The following HCRTR1 variants were observed in gnomAD, a reference collection of about 807,000 sequenced individuals.
The protein encoded by HCRTR1 is orexin/Hypocretin receptor type 1.
HCRTR1 carries 28 observed loss-of-function variants against 40.6 expected under a neutral mutation model. The ratio of observed to expected loss-of-function variants is 0.69; its 90% CI spans 0.51 to 0.95. HCRTR1 has a LOEUF of 0.95. Ranked by LOEUF, HCRTR1 falls within the 40% of genes least tolerant of loss-of-function variation. The pLI, the probability that HCRTR1 is intolerant of heterozygous loss-of-function variation, is 0.00. For missense variants in HCRTR1, 482 were observed against 564.7 expected (o/e 0.85, Z 1.48); for synonymous variants, 209 against 230.0 (o/e 0.91, Z 0.83).
chr1:31,629,664 C>A (rs115271200), downstream of HCRTR1, among the ~76,000 whole-genome samples: 613 of 152,312 alleles, frequency 4.0e-3, 3 homozygotes, highest in African/African-American at 0.014. Flanking sequence ...TCAGGCCATA[C>A]TGAACTGAAC....
chr1:31,619,080 T>C lies in HCRTR1; in HGVS notation c.-113T>C. 1.2e-6 allele frequency: 1 copy of C among 800,036 alleles called. No individual in the cohort carries two copies. Among genetic ancestry groups the C allele is most frequent in the Non-Finnish European group, 1.9e-6 (1 of 512,908 alleles). 49.6% of individuals were successfully genotyped at this position (800,036 alleles called of 1,614,324 possible). A position where few individuals can be genotyped will look rare whatever the true frequency, so the allele number is the denominator to read the frequency against. On this transcript the variant is annotated 5_prime_UTR_variant, in exon 3 of 9. Coordinates refer to ENST00000403528, the MANE Select transcript of HCRTR1 (RefSeq NM_001525.3). ...TTTGAGGCTGAGACCCGAAAAGACC[T>C]GGGTGCAAGCCTCCAGGCACCCTGA... is the stretch of plus-strand genomic sequence containing the variant.
chr1:31,624,888 G>A (rs1406420412), intron 7 of HCRTR1, 109 bp from the exon 8 acceptor site: 2 of 1,202,400 alleles, frequency 1.7e-6, no homozygotes, highest in African/African-American at 3.1e-5. Context: ...GGACAGAAGT[G>A]GGCAGTAGGA....
At position 31,621,540 on chromosome 1, in the gene HCRTR1, G is replaced by C. The variant is rs370407845; in HGVS notation, c.686G>C (p.Gly229Ala). The change falls in exon 6 of 9, where the codon GGC becomes GCC. Residue 229 changes from glycine (G) to alanine (A), a missense_variant. By Grantham distance (60) the Gly-to-Ala change is moderately conservative. Coordinates refer to ENST00000403528, the MANE Select transcript of HCRTR1 (RefSeq NM_001525.3). ...FFIVTYLAPL[G>A]LMAMAYFQIF... ...ATTGTCACCTACCTGGCCCCACTGG[G>C]CCTCATGGCCATGGCCTATTTCCAG... 1.1e-5 allele frequency: 17 copies of C among 1,613,980 alleles called. No individual in the cohort carries two copies. The highest frequency in any genetic ancestry group is 1.1e-5 in the Non-Finnish European group (13 of 1,180,038).
Position 31,621,002 on chromosome 1 carries a change from G to A in HCRTR1, c.538G>A (p.Ala180Thr), listed in dbSNP as rs919621513. The stretch of plus-strand genomic sequence containing the variant: ...GTCGCTGGCCATCATGGTGCCCCAG[G>A]CTGCAGTCATGGAATGCAGCAGTGT... ...AVSLAIMVPQ[A>T]AVMECSSVLP... Residue 180 changes from alanine (A) to threonine (T), a missense_variant, in exon 5 of 9, where the codon GCT (alanine) becomes ACT (threonine). By Grantham distance (58) the Ala-to-Thr change is moderately conservative. Coordinates refer to ENST00000403528, the MANE Select transcript of HCRTR1 (RefSeq NM_001525.3). 8.1e-6 allele frequency: 13 copies of A among 1,613,760 alleles called. No individual in the cohort carries two copies. Among genetic ancestry groups the A allele is most frequent in the African/African-American group, 1.3e-5 (1 of 74,928 alleles).
Position 31,626,509 on chromosome 1 carries a change from C to T in HCRTR1, c.1088-281C>T, listed in dbSNP as rs951070072. ...GAGAGCAGAGGTGACCTGAGGCCCC[C>T]GAGCCAGACACCACGTTTTGAGTCA... On this transcript the variant is annotated intron_variant, in intron 8 of 8. Transcript: ENST00000403528. The surrounding 1 kb of genome is among the most constrained non-coding windows in gnomAD (Gnocchi z 4.6). Among the ~76,000 whole-genome samples, 23 of 152,282 alleles carry T rather than the reference C, an allele frequency of 1.5e-4. No individual in the cohort carries two copies. Among genetic ancestry groups the T allele is most frequent in the African/African-American group, 5.5e-4 (23 of 41,550 alleles).
chr1:31,633,594 C>G (rs181891766), downstream of HCRTR1, among the ~76,000 whole-genome samples: 1 of 152,238 alleles, frequency 6.6e-6, no homozygotes, highest in Non-Finnish European at 1.5e-5. Flanking sequence ...GGGACCTGTA[C>G]CCCTGTAGCA....
At chr1:31,620,681 G>C (rs1027859169) in intron 4 of HCRTR1, among the ~76,000 whole-genome samples, 162 bp from the exon 5 acceptor site, 5 of 152,184 alleles carry the variant, frequency 3.3e-5, no homozygotes, top group African/African-American at 1.2e-4. Flanking sequence ...TTCTGTAGAC[G>C]AGGCTCAGAG....
rs762925900 is a variant in HCRTR1 at position 31,621,470 on chromosome 1, C to G, written c.623-7C>G. 62 of 1,590,974 alleles carry G rather than the reference C, an allele frequency of 3.9e-5. No individual in the cohort carries two copies. Among genetic ancestry groups the G allele is most frequent in the Non-Finnish European group, 5.3e-5 (61 of 1,159,736 alleles). On this transcript the variant is annotated splice_polypyrimidine_tract_variant and splice_region_variant and intron_variant, in intron 5 of 8. Coordinates refer to ENST00000403528, the MANE Select transcript of HCRTR1 (RefSeq NM_001525.3). Reference sequence around the variant, plus strand: ...GGGCCTGACTCTGCATCTCTTGACCCCTGCAGATGACCTCTATCCCAAGAT... The same window carrying G: ...GGGCCTGACTCTGCATCTCTTGACCGCTGCAGATGACCTCTATCCCAAGAT...
chr1:31,633,196 C>T (rs1218990837), downstream of HCRTR1: 5 of 1,613,906 alleles, frequency 3.1e-6, no homozygotes, highest in Non-Finnish European at 3.4e-6. Flanking sequence ...TGAATGAAGA[C>T]CAATTGCAGT....
downstream of HCRTR1, chr1:31,630,389 T>C: frequency 1.8e-6 from 1 of 565,716 alleles, no homozygotes; most frequent in African/African-American, 1.9e-5. Context: ...TCAACTTCTA[T>C]CCTCTCCTCC....
rs554235132 is a variant in HCRTR1, at chr1:31,620,819, C to T, written c.379-24C>T. Reference sequence around the variant, plus strand: ...ATCGCTGGGTGGCCCCCAAAATGACCGACGTTGTGTCCCCGTGGGGCAGGC... The same window carrying T: ...ATCGCTGGGTGGCCCCCAAAATGACTGACGTTGTGTCCCCGTGGGGCAGGC... On this transcript the variant is annotated intron_variant, in intron 4 of 8. Coordinates refer to ENST00000403528, the MANE Select transcript of HCRTR1 (RefSeq NM_001525.3). The T allele has an allele frequency of 1.5e-5, 24 of 1,605,364 alleles. No individual in the cohort carries two copies. In the South Asian group the frequency reaches 2.2e-4, roughly 15 times the overall value.
downstream of HCRTR1, chr1:31,632,579 T>C (rs1266334678): frequency 4.3e-6 from 7 of 1,614,226 alleles, no homozygotes; most frequent in Non-Finnish European, 8.5e-7. Flanking sequence ...TGGATGAATT[T>C]CCACAGGGCT....
chr1:31,633,969 CAAAAAAACCCA>C (rs1640188349), downstream of HCRTR1, among the ~76,000 whole-genome samples: 1 of 148,750 alleles, frequency 6.7e-6, no homozygotes, highest in Admixed American at 6.7e-5. Flanking sequence ...AAAAAAAAAA[CAAAAAAACCCA>C]AAAAAAACAG....
In HCRTR1 at chr1:31,627,479, C is replaced by T. The variant is rs1420886038; in HGVS notation, c.*499C>T. ...CCAGCGGGCCACGAGCACAGCCCCA[C>T]CCTAACCAGGTGCCAAGGGCACACA... On this transcript the variant is annotated 3_prime_UTR_variant, in exon 9 of 9. Coordinates refer to ENST00000403528, the MANE Select transcript of HCRTR1 (RefSeq NM_001525.3). 3 of 709,946 alleles carry T rather than the reference C, an allele frequency of 4.2e-6. No homozygotes were observed. Among genetic ancestry groups the T allele is most frequent in the Non-Finnish European group, 2.1e-6 (1 of 466,472 alleles). 44.0% of individuals were successfully genotyped at this position (709,946 alleles called of 1,614,324 possible).
In HCRTR1 at chr1:31,623,487, G is replaced by A. The variant is rs199803799; in HGVS notation, c.739-36G>A. The A allele has an allele frequency of 4.4e-6, 7 of 1,578,518 alleles. No homozygotes were observed. The East Asian group carries it at 9.0e-5, about 20-fold the overall frequency. The stretch of plus-strand genomic sequence containing the variant: ...AAGGCAACCACCCTCCCAAGGTGCT[G>A]TACCCACCACTGCTGTCTCTATGTG... On this transcript the variant is annotated intron_variant, in intron 6 of 8. Coordinates refer to ENST00000403528, the MANE Select transcript of HCRTR1 (RefSeq NM_001525.3).
At position 31,625,159 on chromosome 1, in the gene HCRTR1, C is replaced by T; in HGVS notation, c.1087+41C>T. ...ATGCAAAATGACTGAGGGTGGCCAA[C>T]AGTCCACATGACAAGTCTCCCCATC... On this transcript the variant is annotated intron_variant, in intron 8 of 8. Transcript: ENST00000403528. The surrounding 1 kb of genome is among the most constrained non-coding windows in gnomAD (Gnocchi z 4.2). 1 of 1,555,066 alleles carries T rather than the reference C, an allele frequency of 6.4e-7. No individual in the cohort carries two copies. Among genetic ancestry groups the T allele is most frequent in the Non-Finnish European group, 8.7e-7 (1 of 1,144,940 alleles).
chr1:31,632,378 A>T (rs769447113), downstream of HCRTR1: 1 of 1,536,678 alleles, frequency 6.5e-7, no homozygotes, highest in South Asian at 1.1e-5. Context: ...TGAGAACAGC[A>T]TTTTGTAGTG....
At chr1:31,621,129 C>T (rs200128876) in intron 5 of HCRTR1, 43 bp downstream of exon 5, 5 of 1,577,284 alleles carry the variant, frequency 3.2e-6, no homozygotes, top group Non-Finnish European at 4.3e-6. Context: ...CAGGTGGGCA[C>T]TTTGGGAGCA....
chr1:31,626,045 CTA>C lies in HCRTR1; in HGVS notation c.1088-743_1088-742del, dbSNP rs755080493. Among the ~76,000 whole-genome samples, 103 of 152,248 alleles carry C rather than the reference CTA, an allele frequency of 6.8e-4. 1 individual carries two copies. Among genetic ancestry groups the C allele is most frequent in the East Asian group, 3.9e-4 (2 of 5,184 alleles). Reference sequence around the variant, plus strand: ...ACTGACACATATGCCTTTGTTTGGCCTATGTTTACTGAGCACCTACTATGTGC... The same window carrying C: ...ACTGACACATATGCCTTTGTTTGGCCTGTTTACTGAGCACCTACTATGTGC... On this transcript the variant is annotated intron_variant, in intron 8 of 8. Transcript: ENST00000403528. The surrounding 1 kb of genome is among the most constrained non-coding windows in gnomAD (Gnocchi z 4.6).
Sources: allele counts gnomAD v4.1 joint callset (sites outside exome capture counted in the v4.1 genomes callset), GRCh38; gene constraint gnomAD v4.1.1; non-coding constraint Gnocchi (gnomAD v3.1); transcripts MANE v1.5; gene names NCBI Gene and HGNC (gene_info 2026-07-23, HGNC 2026-07-21).